Variants in CLCN3 observed in about 807,000 individuals in gnomAD.
CLCN3 encodes H(+)/Cl(-) exchange transporter 3.
Under a neutral mutation model 83.4 loss-of-function variants are expected in CLCN3, and 16 were observed. The ratio of observed to expected loss-of-function variants is 0.19; its 90% CI spans 0.13 to 0.29. The LOEUF (loss-of-function observed/expected upper bound fraction) is 0.29, where lower values mean the gene tolerates loss of function less well. Ranked by LOEUF, CLCN3 falls within the 10% of genes least tolerant of loss-of-function variation. The pLI is 1.00. For synonymous variants in CLCN3, 322 were observed against 346.2 expected, an observed-to-expected ratio of 0.93 and a Z score of 0.78; for missense variants, 544 against 1,006.0, an observed-to-expected ratio of 0.54 and a Z score of 6.21.
At chr4:169,692,082 G>T in intron 6 of CLCN3, 32 bp from the exon 7 acceptor site, 1 of 1,279,472 alleles carries the variant, frequency 7.8e-7, no homozygotes, top group Admixed American at 1.7e-5. Context: ...TTTCTTAAAG[G>T]ACATTAAGCT....
chr4:169,678,735 G>T (rs1382805924), intron 2 of CLCN3, among the ~76,000 whole-genome samples: 1 of 152,204 alleles, frequency 6.6e-6, no homozygotes, highest in Non-Finnish European at 1.5e-5. Context: ...GGGGTTGGGG[G>T]TAAGGTTATG....
intron 2 of CLCN3, among the ~76,000 whole-genome samples, chr4:169,642,278 C>G (rs1730436334): frequency 6.6e-6 from 1 of 152,014 alleles, no homozygotes; most frequent in Non-Finnish European, 1.5e-5. Context: ...TGCCTCTAAA[C>G]TTCATAGCAG....
chr4:169,655,569 A>G (rs1730857091), intron 2 of CLCN3, among the ~76,000 whole-genome samples: 3 of 152,190 alleles, frequency 2.0e-5, no homozygotes, highest in African/African-American at 7.2e-5. Flanking sequence ...ATCATGACTC[A>G]TTGCAGCCTT....
chr4:169,657,046 C>T (rs1730908558), intron 2 of CLCN3, among the ~76,000 whole-genome samples: 1 of 152,098 alleles, frequency 6.6e-6, no homozygotes, highest in Non-Finnish European at 1.5e-5. Context: ...TGGTCACTTA[C>T]TTTAATTAAT....
At chr4:169,656,538 A>C (rs1282275268) in intron 2 of CLCN3, among the ~76,000 whole-genome samples, 2 of 152,194 alleles carry the variant, frequency 1.3e-5, no homozygotes, top group Non-Finnish European at 2.9e-5. Flanking sequence ...ACAATGCAAC[A>C]TGAGATTTGG....
chr4:169,690,742 G>A (rs929147443), intron 6 of CLCN3, 90 bp downstream of exon 6: 16 of 1,252,904 alleles, frequency 1.3e-5, no homozygotes, highest in Non-Finnish European at 1.8e-5. Context: ...TTTTCTGGAG[G>A]GAGGGGATAG....
At chr4:169,640,933 C>T (rs566343166) in intron 2 of CLCN3, among the ~76,000 whole-genome samples, 4 of 152,170 alleles carry the variant, frequency 2.6e-5, no homozygotes, top group East Asian at 1.9e-4. Context: ...AAAATTTAGG[C>T]GCCTATATCC....
At position 169,668,035 on chromosome 4, in the gene CLCN3, G is replaced by A. The variant is rs1225826590; in HGVS notation, c.161-12015G>A. On this transcript the variant is annotated intron_variant, in intron 2 of 12. Transcript: ENST00000513761. Reference sequence around the variant, plus strand: ...ATTACAGGTGTGAGCCACCGCGCCCGGCCAGACATTTTTTTTTTTTTTTTT... The same window carrying A: ...ATTACAGGTGTGAGCCACCGCGCCCAGCCAGACATTTTTTTTTTTTTTTTT... Among the ~76,000 whole-genome samples, 33 of 144,736 alleles carry A rather than the reference G, an allele frequency of 2.3e-4. 1 individual carries two copies. The highest frequency in any genetic ancestry group is 6.7e-4 in the South Asian group (3 of 4,480). 95.0% of individuals were successfully genotyped at this position (144,736 alleles called of 152,430 possible). A position where few individuals can be genotyped will look rare whatever the true frequency, so the allele number is the denominator to read the frequency against.
intron 2 of CLCN3, among the ~76,000 whole-genome samples, chr4:169,639,992 T>C (rs989597865): frequency 3.9e-5 from 6 of 152,328 alleles, no homozygotes; most frequent in African/African-American, 1.4e-4. Context: ...TTCAGTTTAT[T>C]CCCACGTACA....
chr4:169,654,724 TA>T (rs1730831797), intron 2 of CLCN3, among the ~76,000 whole-genome samples: 1 of 152,202 alleles, frequency 6.6e-6, no homozygotes, highest in South Asian at 2.1e-4. Context: ...ATGCATTATG[TA>T]ATTACAGTGT....
intron 2 of CLCN3, among the ~76,000 whole-genome samples, chr4:169,662,369 G>T (rs766634281): frequency 6.6e-5 from 10 of 152,122 alleles, no homozygotes; most frequent in Non-Finnish European, 1.2e-4. Flanking sequence ...TTTCGTGACT[G>T]TACTGTATTA....
intron 2 of CLCN3, among the ~76,000 whole-genome samples, chr4:169,637,034 A>G (rs1730230593): frequency 6.6e-6 from 1 of 152,102 alleles, no homozygotes; most frequent in Non-Finnish European, 1.5e-5. Context: ...CCTATACATG[A>G]TAACAGTTTT....
chr4:169,654,205 C>A (rs1370556585), intron 2 of CLCN3, among the ~76,000 whole-genome samples: 3 of 151,922 alleles, frequency 2.0e-5, no homozygotes, highest in Non-Finnish European at 4.4e-5. Context: ...TCTTCTCCGT[C>A]TCCTTTCCTT....
intron 2 of CLCN3, among the ~76,000 whole-genome samples, chr4:169,664,140 G>A (rs1731162967): frequency 6.6e-6 from 1 of 152,226 alleles, no homozygotes; most frequent in African/African-American, 2.4e-5. Flanking sequence ...CAGCTTTGTT[G>A]TGAGTCAGTA....
At chr4:169,645,076 T>C (rs1167702101) in intron 2 of CLCN3, among the ~76,000 whole-genome samples, 1 of 152,240 alleles carries the variant, frequency 6.6e-6, no homozygotes, top group African/African-American at 2.4e-5. Context: ...ACTAAGTTTA[T>C]GGCAGTGTGT....
intron 12 of CLCN3, among the ~76,000 whole-genome samples, chr4:169,716,655 C>A (rs1334174470): frequency 6.6e-6 from 1 of 152,126 alleles, no homozygotes; most frequent in South Asian, 2.1e-4. Flanking sequence ...AGGATCGATA[C>A]ATTATTTTTA....
intron 2 of CLCN3, among the ~76,000 whole-genome samples, chr4:169,646,914 CAAAA>C (rs1490124001): frequency 6.6e-6 from 1 of 152,094 alleles, no homozygotes; most frequent in African/African-American, 2.4e-5. Flanking sequence ...GTTTTGGAAA[CAAAA>C]GAATACGGTA....
At chr4:169,660,990 A>G (rs1247645504) in intron 2 of CLCN3, among the ~76,000 whole-genome samples, 3 of 152,184 alleles carry the variant, frequency 2.0e-5, no homozygotes, top group Non-Finnish European at 4.4e-5. Flanking sequence ...TTTAATATGT[A>G]TTTCGGCTGA....
chr4:169,645,172 T>C (rs185349471), intron 2 of CLCN3, among the ~76,000 whole-genome samples: 7 of 152,326 alleles, frequency 4.6e-5, no homozygotes, highest in South Asian at 2.1e-4. Flanking sequence ...AGAAAGATTT[T>C]TGGGGTCTCT....
Sources: allele counts gnomAD v4.1 joint callset (sites outside exome capture counted in the v4.1 genomes callset), GRCh38; gene constraint gnomAD v4.1.1; transcripts MANE v1.5; gene names NCBI Gene and HGNC (gene_info 2026-07-23, HGNC 2026-07-21).